Variants in SMIM10L3 observed in about 807,000 individuals in gnomAD.
SMIM10L3 encodes the protein small integral membrane protein 10 like 3, also known as salivary gland specific protein SAGSIN1.
the SMIM10L3 span, among the ~76,000 whole-genome samples, chr7:6,331,700 GC>G: frequency 6.6e-6 from 1 of 150,626 alleles, no homozygotes; most frequent in African/African-American, 2.4e-5. Flanking sequence ...CATTTCGTGG[GC>G]TTAGTTCCCC....
At chr7:6,348,789 C>T in the SMIM10L3 span, 1 of 397,196 alleles carries the variant, frequency 2.5e-6, no homozygotes, top group East Asian at 3.6e-5. Context: ...AGCCCCCCCG[C>T]CCGCCCTCTC....
At chr7:6,343,617 T>G in the SMIM10L3 span, among the ~76,000 whole-genome samples, 1 of 151,790 alleles carries the variant, frequency 6.6e-6, no homozygotes, top group Non-Finnish European at 1.5e-5. Flanking sequence ...AGATTCTGTA[T>G]AAATAAGAAG....
At chr7:6,334,206 G>A in the SMIM10L3 span, among the ~76,000 whole-genome samples, 1 of 151,454 alleles carries the variant, frequency 6.6e-6, no homozygotes, top group South Asian at 2.1e-4. Context: ...GGGATTACAG[G>A]TGTGTACCAC....
chr7:6,342,486 C>A, the SMIM10L3 span, among the ~76,000 whole-genome samples: 1 of 152,004 alleles, frequency 6.6e-6, no homozygotes, highest in Admixed American at 6.6e-5. Flanking sequence ...TTGCAGTGAG[C>A]CAAGATCACA....
At chr7:6,333,222 GTTA>G in the SMIM10L3 span, among the ~76,000 whole-genome samples, 2 of 151,798 alleles carry the variant, frequency 1.3e-5, no homozygotes, top group African/African-American at 4.8e-5. Flanking sequence ...GAAGGATGCA[GTTA>G]TTATTAGAGG....
chr7:6,336,682 CAA>C, the SMIM10L3 span, among the ~76,000 whole-genome samples: 1,464 of 122,844 alleles, frequency 0.012, 17 homozygotes, highest in African/African-American at 0.039. Context: ...AGACTTTGTC[CAA>C]AAAAAAAAAA....
chr7:6,335,840 G>A, the SMIM10L3 span, among the ~76,000 whole-genome samples: 2 of 152,050 alleles, frequency 1.3e-5, no homozygotes, highest in Non-Finnish European at 2.9e-5. Flanking sequence ...TGTGAGACCA[G>A]CCTGGGCAAC....
the SMIM10L3 span, among the ~76,000 whole-genome samples, chr7:6,344,804 G>A: frequency 1.3e-5 from 2 of 152,058 alleles, no homozygotes; most frequent in African/African-American, 2.4e-5. Flanking sequence ...GCAATGGCAC[G>A]AACTTGGCTC....
At chr7:6,346,051 G>GAGAC in the SMIM10L3 span, among the ~76,000 whole-genome samples, 1 of 152,128 alleles carries the variant, frequency 6.6e-6, no homozygotes, top group South Asian at 2.1e-4. Flanking sequence ...TTACAGGCAT[G>GAGAC]AGACACCATG....
the SMIM10L3 span, among the ~76,000 whole-genome samples, chr7:6,331,441 G>A: frequency 1.4e-4 from 22 of 152,282 alleles, 1 homozygote; most frequent in East Asian, 9.6e-4. Flanking sequence ...GGGATTACAG[G>A]TGTGAGCCAC....
chr7:6,344,625 C>T, the SMIM10L3 span, among the ~76,000 whole-genome samples: 1 of 152,110 alleles, frequency 6.6e-6, no homozygotes, highest in African/African-American at 2.4e-5. Context: ...CGCCCTGTTG[C>T]CCAGGCTGGT....
chr7:6,329,679 A>C, the SMIM10L3 span: 1 of 165,126 alleles, frequency 6.1e-6, no homozygotes, highest in Non-Finnish European at 1.5e-5. Flanking sequence ...AATCTGGGAA[A>C]CTTTTTATGT....
the SMIM10L3 span, chr7:6,330,821 C>A: frequency 6.2e-7 from 1 of 1,614,202 alleles, no homozygotes; most frequent in South Asian, 1.1e-5. Flanking sequence ...GCAAAACACT[C>A]TGTTGGAGCA....
chr7:6,346,920 G>A, the SMIM10L3 span, among the ~76,000 whole-genome samples: 1 of 152,178 alleles, frequency 6.6e-6, no homozygotes, highest in Non-Finnish European at 1.5e-5. Flanking sequence ...CCCCAAAGGA[G>A]GGTCCCTCCT....
chr7:6,333,996 G>T, the SMIM10L3 span, among the ~76,000 whole-genome samples: 1 of 151,052 alleles, frequency 6.6e-6, no homozygotes, highest in Non-Finnish European at 1.5e-5. Flanking sequence ...ACAGGCACCC[G>T]CCACCACGCC....
the SMIM10L3 span, among the ~76,000 whole-genome samples, chr7:6,347,195 C>T: frequency 1.3e-5 from 2 of 152,062 alleles, no homozygotes; most frequent in African/African-American, 2.4e-5. Flanking sequence ...AAGAAAAAGG[C>T]AACTGGAATT....
the SMIM10L3 span, among the ~76,000 whole-genome samples, chr7:6,347,902 T>TTATTATTATTA: frequency 6.9e-6 from 1 of 145,928 alleles, no homozygotes; most frequent in African/African-American, 2.5e-5. Flanking sequence ...ATTATTATTA[T>TTATTATTATTA]TATTATTATT....
chr7:6,342,996 CA>C, the SMIM10L3 span, among the ~76,000 whole-genome samples: 3 of 150,340 alleles, frequency 2.0e-5, no homozygotes, highest in Non-Finnish European at 4.4e-5. Context: ...ATGATCGCAC[CA>C]CTGCACTCCA....
the SMIM10L3 span, among the ~76,000 whole-genome samples, chr7:6,346,311 C>T: frequency 6.6e-6 from 1 of 152,064 alleles, no homozygotes; most frequent in East Asian, 1.9e-4. Flanking sequence ...TGCTACAAGC[C>T]CTTGATCACA....
Sources: allele counts gnomAD v4.1 joint callset (sites outside exome capture counted in the v4.1 genomes callset), GRCh38; gene constraint gnomAD v4.1.1; transcripts MANE v1.5; gene names NCBI Gene and HGNC (gene_info 2026-07-23, HGNC 2026-07-21).